KIT: variants seen among roughly 807,000 people sequenced by gnomAD.
KIT encodes KIT proto-oncogene, receptor tyrosine kinase, also known as mast/stem cell growth factor receptor Kit.
Under a neutral mutation model 105.7 loss-of-function variants are expected in KIT, and 16 were observed. That is an observed-to-expected ratio of 0.15 (90% CI 0.10 to 0.23). The LOEUF (loss-of-function observed/expected upper bound fraction) is 0.23. KIT is among the 10% of genes least tolerant of loss of function. The pLI is 1.00. For synonymous variants in KIT, 438 were observed against 441.1 expected, an observed-to-expected ratio of 0.99 and a Z score of 0.09; for missense variants, 858 against 1,213.8, an observed-to-expected ratio of 0.71 and a Z score of 4.36.
At chr4:54,658,638 C>T (rs1478707824) in intron 1 of KIT, among the ~76,000 whole-genome samples, 2 of 152,120 alleles carry the variant, frequency 1.3e-5, no homozygotes, top group Admixed American at 6.5e-5. Flanking sequence ...GGGACCGACC[C>T]GCTGCCGCCT....
intron 1 of KIT, among the ~76,000 whole-genome samples, chr4:54,691,168 A>G (rs556904794): frequency 2.0e-5 from 3 of 152,316 alleles, no homozygotes; most frequent in Admixed American, 2.0e-4. Context: ...GACATCTGTT[A>G]TAGGGACTGG....
At chr4:54,711,513 T>G (rs1721157310) in intron 7 of KIT, among the ~76,000 whole-genome samples, 1 of 152,238 alleles carries the variant, frequency 6.6e-6, no homozygotes, top group Admixed American at 6.5e-5. Flanking sequence ...TTCTCCCTTT[T>G]CAAGGGAAAC....
At chr4:54,665,617 C>T (rs1402522994) in intron 1 of KIT, among the ~76,000 whole-genome samples, 1 of 152,096 alleles carries the variant, frequency 6.6e-6, no homozygotes, top group Non-Finnish European at 1.5e-5. Flanking sequence ...CTGGAATTAT[C>T]ATGGGTGTAG....
chr4:54,727,803 T>C lies in KIT; in HGVS notation c.1775-20T>C. The C allele has an allele frequency of 1.9e-6, 3 of 1,600,152 alleles. No individual in the cohort carries two copies. The highest frequency in any genetic ancestry group is 2.6e-6 in the Non-Finnish European group (3 of 1,168,868). ...CCACCAGCACCATCACCACTTACCT[T>C]GTTGTCTTCCTTCCTACAGGGAAAA... On this transcript the variant is annotated intron_variant, in intron 11 of 20. Transcript: ENST00000288135.
chr4:54,672,637 C>T (rs532021083), intron 1 of KIT, among the ~76,000 whole-genome samples: 9 of 152,196 alleles, frequency 5.9e-5, no homozygotes, highest in African/African-American at 2.2e-4. Flanking sequence ...TTCTACTTTT[C>T]GGAACTTCAC....
chr4:54,667,430 G>A (rs1025420009), intron 1 of KIT, among the ~76,000 whole-genome samples: 1 of 152,136 alleles, frequency 6.6e-6, no homozygotes, highest in South Asian at 2.1e-4. Flanking sequence ...AATGTTACAG[G>A]ATTTGTAATA....
chr4:54,689,144 A>T (rs528892633), intron 1 of KIT, among the ~76,000 whole-genome samples: 1 of 152,366 alleles, frequency 6.6e-6, no homozygotes, highest in East Asian at 1.9e-4. Context: ...GCCCACATTT[A>T]ATTCAATAGT....
chr4:54,687,545 C>T (rs1053108804), intron 1 of KIT, among the ~76,000 whole-genome samples: 10 of 152,024 alleles, frequency 6.6e-5, no homozygotes, highest in Admixed American at 3.9e-4. Flanking sequence ...TCCTTTCTGC[C>T]CCTTTGCATC....
chr4:54,686,064 C>G (rs749120062), intron 1 of KIT, among the ~76,000 whole-genome samples: 1 of 152,192 alleles, frequency 6.6e-6, no homozygotes, highest in Non-Finnish European at 1.5e-5. Context: ...AATAAGGACA[C>G]GTTACACAAG....
rs528333590 is a variant in KIT at position 54,719,128 on chromosome 4, T to C, written c.1232-4456T>C. 2.6e-5 allele frequency among the ~76,000 whole-genome samples: 4 copies of C among 152,352 alleles called. No individual in the cohort carries two copies. The South Asian group carries it at 8.3e-4, about 32-fold the overall frequency. On this transcript the variant is annotated intron_variant, in intron 7 of 20. Transcript: ENST00000288135. ...ATTTAGTCTTTTATTATTTGGAGAC[T>C]TAAGTGTTTGCGTTTTTTGTCCTGC...
At chr4:54,684,967 C>CGTTGG (rs1288270963) in intron 1 of KIT, among the ~76,000 whole-genome samples, 3 of 152,220 alleles carry the variant, frequency 2.0e-5, no homozygotes, top group African/African-American at 7.2e-5. Flanking sequence ...AACCTACTAC[C>CGTTGG]TTGTCCTGAG....
intron 7 of KIT, among the ~76,000 whole-genome samples, chr4:54,710,759 C>T (rs1371421469): frequency 2.0e-5 from 3 of 152,174 alleles, no homozygotes; most frequent in African/African-American, 4.8e-5. Flanking sequence ...CCAGGATGGT[C>T]TTGAACTCCT....
At chr4:54,679,044 C>T (rs962819720) in intron 1 of KIT, among the ~76,000 whole-genome samples, 1 of 152,140 alleles carries the variant, frequency 6.6e-6, no homozygotes, top group Non-Finnish European at 1.5e-5. Flanking sequence ...CCTCTGCCTC[C>T]ACCCAAGTGC....
intron 4 of KIT, among the ~76,000 whole-genome samples, chr4:54,700,061 T>C (rs1359180730): frequency 2.6e-5 from 4 of 152,212 alleles, no homozygotes; most frequent in Non-Finnish European, 5.9e-5. Flanking sequence ...GTTAGGGACT[T>C]AAAAAACATG....
At chr4:54,701,124 A>AT (rs1275197255) in intron 4 of KIT, among the ~76,000 whole-genome samples, 2 of 152,134 alleles carry the variant, frequency 1.3e-5, no homozygotes, top group Non-Finnish European at 2.9e-5. Flanking sequence ...GTTCTGAACC[A>AT]TTTTTCCCAG....
chr4:54,701,000 A>C (rs1039467662), intron 4 of KIT, among the ~76,000 whole-genome samples: 1 of 152,250 alleles, frequency 6.6e-6, no homozygotes, highest in Non-Finnish European at 1.5e-5. Context: ...GGCTTTCTAT[A>C]ATCCTTGATT....
intron 1 of KIT, among the ~76,000 whole-genome samples, chr4:54,671,377 C>A (rs1718099379): frequency 6.6e-6 from 1 of 152,204 alleles, no homozygotes; most frequent in South Asian, 2.1e-4. Context: ...GGAATATGGG[C>A]AGGAAGGCAT....
chr4:54,686,539 C>T (rs1577939562), intron 1 of KIT, among the ~76,000 whole-genome samples: 1 of 152,172 alleles, frequency 6.6e-6, no homozygotes, highest in South Asian at 2.1e-4. Flanking sequence ...ATGACTAAAC[C>T]TGAGTAGGTT....
intron 7 of KIT, among the ~76,000 whole-genome samples, chr4:54,717,844 T>C (rs1045265020): frequency 3.3e-5 from 5 of 152,056 alleles, no homozygotes; most frequent in Non-Finnish European, 7.4e-5. Context: ...TTTTGTCCCA[T>C]GCCTGCACTC....
Sources: gnomAD v4.1 joint callset for allele counts (sites outside exome capture counted in the v4.1 genomes callset) on GRCh38, gnomAD v4.1.1 for gene constraint, MANE v1.5 for transcripts, NCBI Gene and HGNC (gene_info 2026-07-23, HGNC 2026-07-21) for gene names.